The following GLRA2 variants were observed in gnomAD, a reference collection of about 807,000 sequenced individuals.
GLRA2 encodes the protein glycine receptor alpha 2.
A neutral mutation model predicts 31.6 loss-of-function variants in GLRA2; 11 were observed. That is an observed-to-expected ratio of 0.35 (90% CI 0.22 to 0.58). The LOEUF (loss-of-function observed/expected upper bound fraction) is 0.58, where lower values mean the gene tolerates loss of function less well. Among genes scored for constraint, GLRA2 ranks in the 20% least tolerant of loss-of-function variants. GLRA2 has a pLI of 0.84. For synonymous variants in GLRA2, 132 were observed against 134.0 expected, an observed-to-expected ratio of 0.99 and a Z score of 0.10; for missense variants, 212 against 351.8, an observed-to-expected ratio of 0.60 and a Z score of 3.18.
At chrX:14,472,421 G>GT in the GLRA2 span, among the ~76,000 whole-genome samples, 1 of 111,105 alleles carries the variant, frequency 9.0e-6, no homozygotes, top group East Asian at 2.8e-4. Context: ...TGTTACATAG[G>GT]TAAATGTGTG....
chrX:14,681,904 A>AT (rs1295348729), intron 7 of GLRA2, among the ~76,000 whole-genome samples: 430 of 37,874 alleles, frequency 0.011, 9 homozygotes, highest in African/African-American at 0.033. Flanking sequence ...AAAAAAAAAA[A>AT]AAAAAAATAT....
At chrX:14,529,023 A>G (rs1258818920), upstream of GLRA2, among the ~76,000 whole-genome samples, 1 of 111,254 alleles carries the variant, frequency 9.0e-6, no homozygotes, top group Non-Finnish European at 1.9e-5. Context: ...AAATTAAATT[A>G]TCGATCTTCA....
the GLRA2 span, among the ~76,000 whole-genome samples, chrX:14,519,577 C>T: frequency 2.7e-5 from 3 of 111,751 alleles, no homozygotes; most frequent in Non-Finnish European, 5.6e-5. Context: ...ATTAGTATGT[C>T]ACATTCCTGA....
chrX:14,574,141 G>A (rs2089921786), intron 2 of GLRA2, among the ~76,000 whole-genome samples, 192 bp from the exon 3 acceptor site: 1 of 112,142 alleles, frequency 8.9e-6, no homozygotes. Context: ...AGGGTAAGTT[G>A]CCATTGCTTA....
chrX:14,686,070 C>G (rs945887320), intron 7 of GLRA2, among the ~76,000 whole-genome samples: 5 of 111,647 alleles, frequency 4.5e-5, no homozygotes, highest in African/African-American at 1.6e-4. Context: ...TCGTTATGTA[C>G]CCAGTAGTCA....
the GLRA2 span, among the ~76,000 whole-genome samples, chrX:14,496,783 C>T: frequency 9.0e-6 from 1 of 111,506 alleles, no homozygotes; most frequent in South Asian, 3.8e-4. Context: ...AGTAAGGATC[C>T]AGCTCAACCG....
chrX:14,522,114 A>G, the GLRA2 span, among the ~76,000 whole-genome samples: 10 of 112,414 alleles, frequency 8.9e-5, no homozygotes, highest in Non-Finnish European at 1.9e-4. Context: ...TTCTTTCAAA[A>G]TTGAAGTAAA....
intron 7 of GLRA2, among the ~76,000 whole-genome samples, chrX:14,636,966 C>T (rs989910272): frequency 9.0e-6 from 1 of 111,566 alleles, no homozygotes; most frequent in African/African-American, 3.3e-5. Flanking sequence ...GAATAAGAGA[C>T]CTAATTTGTT....
chrX:14,515,926 C>A, the GLRA2 span, among the ~76,000 whole-genome samples: 1 of 111,835 alleles, frequency 8.9e-6, no homozygotes, highest in South Asian at 3.7e-4. Flanking sequence ...TTCATTGCTT[C>A]TATCAGAGAT....
intron 2 of GLRA2, among the ~76,000 whole-genome samples, chrX:14,573,362 A>G (rs148322099): frequency 6.5e-4 from 73 of 111,898 alleles, no homozygotes; most frequent in African/African-American, 2.3e-3. Context: ...TTCAGATCCT[A>G]CAGATTTGTT....
chrX:14,722,672 A>G (rs1410451301), intron 8 of GLRA2, among the ~76,000 whole-genome samples: 1 of 111,837 alleles, frequency 8.9e-6, no homozygotes, highest in Non-Finnish European at 1.9e-5. Flanking sequence ...GACATATGGA[A>G]GCATGCAGAG....
chrX:14,662,178 T>TGA (rs2090997420), intron 7 of GLRA2, among the ~76,000 whole-genome samples: 1 of 110,766 alleles, frequency 9.0e-6, no homozygotes, highest in Non-Finnish European at 1.9e-5. Context: ...TTCCTTCTGT[T>TGA]GAGTTGTGAC....
chrX:14,490,151 G>T, the GLRA2 span, among the ~76,000 whole-genome samples: 5 of 111,673 alleles, frequency 4.5e-5, no homozygotes, highest in African/African-American at 1.6e-4. Context: ...TTCATCTCAG[G>T]CTACTCACCT....
the GLRA2 span, among the ~76,000 whole-genome samples, chrX:14,470,621 T>G: frequency 8.9e-6 from 1 of 111,898 alleles, no homozygotes; most frequent in East Asian, 2.8e-4. Context: ...CTAGAACAAA[T>G]TCTAGGAGAT....
At chrX:14,519,716 G>T in the GLRA2 span, among the ~76,000 whole-genome samples, 1 of 111,929 alleles carries the variant, frequency 8.9e-6, no homozygotes, top group Admixed American at 9.5e-5. Flanking sequence ...TCAGTAAGCT[G>T]ATCTCCCTAG....
chrX:14,594,602 C>T (rs2090180530), intron 4 of GLRA2, among the ~76,000 whole-genome samples: 1 of 111,477 alleles, frequency 9.0e-6, no homozygotes, highest in Non-Finnish European at 1.9e-5. Flanking sequence ...CATTTTCATC[C>T]AGGAAATATC....
chrX:14,491,520 A>G, the GLRA2 span, among the ~76,000 whole-genome samples: 1 of 112,263 alleles, frequency 8.9e-6, no homozygotes, highest in African/African-American at 3.2e-5. Context: ...AGTAAATGCA[A>G]ATTCTAATCA....
At position 14,558,932 on chromosome X, in the gene GLRA2, C is replaced by G. The variant is rs139911249; in HGVS notation, c.203-15401C>G. Among the ~76,000 whole-genome samples the G allele has an allele frequency of 7.0e-3, 773 of 110,193 alleles. 2 individuals carry two copies. Among genetic ancestry groups the G allele is most frequent in the Non-Finnish European group, 0.011 (587 of 52,760 alleles). On this transcript the variant is annotated intron_variant, in intron 2 of 8. Transcript: ENST00000218075. Reference sequence around the variant, plus strand: ...CTCCACCTCCCAAGCTCAAGTGATTCTCCTGCCTCAGCTTCCCAAGTAGCT... The same window carrying G: ...CTCCACCTCCCAAGCTCAAGTGATTGTCCTGCCTCAGCTTCCCAAGTAGCT...
chrX:14,729,156 A>G (rs2091961940), intron 8 of GLRA2, among the ~76,000 whole-genome samples: 1 of 112,372 alleles, frequency 8.9e-6, no homozygotes, highest in Non-Finnish European at 1.9e-5. Context: ...TTAATGAAAT[A>G]AAGTTAATAC....
Sources: allele counts gnomAD v4.1 joint callset (sites outside exome capture counted in the v4.1 genomes callset), GRCh38; gene constraint gnomAD v4.1.1; transcripts MANE v1.5; gene names NCBI Gene and HGNC (gene_info 2026-07-23, HGNC 2026-07-21).